The following SLC22A2 variants were observed in gnomAD, a reference collection of about 807,000 sequenced individuals.
SLC22A2 encodes the protein organic cation transporter 2.
SLC22A2 carries 46 observed loss-of-function variants against 60.5 expected under a neutral mutation model. The ratio of observed to expected loss-of-function variants is 0.76; its 90% CI spans 0.60 to 0.97. The LOEUF is 0.97. Among genes scored for constraint, SLC22A2 ranks in the 50% least tolerant of loss-of-function variants. The pLI is 0.00. For synonymous variants in SLC22A2, 303 were observed against 267.0 expected, an observed-to-expected ratio of 1.13 and a Z score of -1.31; for missense variants, 701 against 706.6, an observed-to-expected ratio of 0.99 and a Z score of 0.09.
At chr6:160,230,042 G>C (rs1315362733) in intron 9 of SLC22A2, among the ~76,000 whole-genome samples, 1 of 151,594 alleles carries the variant, frequency 6.6e-6, no homozygotes, top group African/African-American at 2.4e-5. Flanking sequence ...TTTCCCTCCT[G>C]CCTGTTCTCT....
At position 160,227,460 on chromosome 6, in the gene SLC22A2, C is replaced by T. The variant is rs950786707; in HGVS notation, c.1502-2656G>A. Among the ~76,000 whole-genome samples, 5 of 152,172 alleles carry T rather than the reference C, an allele frequency of 3.3e-5. No individual in the cohort carries two copies. In the South Asian group the frequency reaches 1.0e-3, roughly 32 times the overall value. On this transcript the variant is annotated intron_variant, in intron 9 of 10. Coordinates refer to ENST00000366953, the MANE Select transcript of SLC22A2 (RefSeq NM_003058.4). Reference sequence around the variant, plus strand: ...TTCTGGACCAAACTAATGGATACCTCGCATGTATTGATGGATGGCTTTTGT... The same window carrying T: ...TTCTGGACCAAACTAATGGATACCTTGCATGTATTGATGGATGGCTTTTGT...
intron 9 of SLC22A2, among the ~76,000 whole-genome samples, chr6:160,226,591 T>C (rs1246917587): frequency 1.3e-5 from 2 of 152,208 alleles, no homozygotes; most frequent in Admixed American, 1.3e-4. Flanking sequence ...TTTCTTTTTC[T>C]GTCCATAAAT....
At chr6:160,239,901 T>C (rs979882287) in intron 9 of SLC22A2, among the ~76,000 whole-genome samples, 2 of 152,096 alleles carry the variant, frequency 1.3e-5, no homozygotes, top group Admixed American at 6.6e-5. Flanking sequence ...TGCTGGCAGA[T>C]CTAGAGTGGT....
chr6:160,240,223 G>A (rs934206972), intron 9 of SLC22A2, among the ~76,000 whole-genome samples: 2 of 152,184 alleles, frequency 1.3e-5, no homozygotes, highest in African/African-American at 4.8e-5. Context: ...GTAGGCCGTA[G>A]AGGAATGTTT....
chr6:160,226,781 A>G (rs1298567593), intron 9 of SLC22A2, among the ~76,000 whole-genome samples: 1 of 152,076 alleles, frequency 6.6e-6, no homozygotes, highest in South Asian at 2.1e-4. Flanking sequence ...GAGATCCCCA[A>G]CTGATTGAAT....
chr6:160,249,075 T>C (rs1783140863), intron 4 of SLC22A2, 141 bp downstream of exon 4: 7 of 520,362 alleles, frequency 1.3e-5, no homozygotes, highest in South Asian at 3.9e-5. Flanking sequence ...TCCTGAAACA[T>C]GGAATTGGGC....
intron 9 of SLC22A2, among the ~76,000 whole-genome samples, chr6:160,239,308 T>C (rs1223444434): frequency 2.6e-5 from 4 of 152,046 alleles, no homozygotes; most frequent in Non-Finnish European, 5.9e-5. Context: ...AATAATCCAC[T>C]CCTTGTTTAG....
At chr6:160,224,944 G>T in intron 9 of SLC22A2, 140 bp from the exon 10 acceptor site, 1 of 467,230 alleles carries the variant, frequency 2.1e-6, no homozygotes. Context: ...ATCTCTGACT[G>T]CTGTATTTTC....
chr6:160,233,054 C>T (rs1446200098), intron 9 of SLC22A2, among the ~76,000 whole-genome samples: 1 of 152,008 alleles, frequency 6.6e-6, no homozygotes, highest in Admixed American at 6.5e-5. Flanking sequence ...TCTCAGTGTT[C>T]CATCTGCTAT....
chr6:160,232,969 T>A (rs1470132067), intron 9 of SLC22A2, among the ~76,000 whole-genome samples: 2 of 151,692 alleles, frequency 1.3e-5, no homozygotes, highest in African/African-American at 2.4e-5. Flanking sequence ...CCATGTAGGT[T>A]ACAAGCCACT....
intron 5 of SLC22A2, 149 bp from the exon 6 acceptor site, chr6:160,245,694 A>ATTT (rs11422120): frequency 0.012 from 1,898 of 163,272 alleles, 9 homozygotes; most frequent in South Asian, 0.016. Context: ...GTCCCATTTC[A>ATTT]TTTTTTTTTT....
intron 5 of SLC22A2, 132 bp downstream of exon 5, chr6:160,247,052 G>T: frequency 1.7e-6 from 1 of 598,922 alleles, no homozygotes; most frequent in East Asian, 2.8e-5. Flanking sequence ...GTTGCATTCC[G>T]CTACAGGTAA....
chr6:160,220,155 T>C (rs1156780182), intron 10 of SLC22A2, among the ~76,000 whole-genome samples: 1 of 152,252 alleles, frequency 6.6e-6, no homozygotes, highest in Non-Finnish European at 1.5e-5. Context: ...CAAACCCTGA[T>C]GCTGTTTTGT....
In SLC22A2 at chr6:160,242,371, G is replaced by A; in HGVS notation, c.1311C>T (p.Cys437=). The part of the protein sequence containing the change: ...DLQWLKIIIS[C]LGRMGITMAY... ...CCATTGTGATCCCCATTCTTCCCAA[G>A]CATGAGATAATAATTTTTAGCCATT... is the stretch of plus-strand genomic sequence containing the variant. The change falls in exon 8 of 11, where the codon TGC becomes TGT. Residue 437 remains cysteine, a synonymous_variant. Coordinates refer to ENST00000366953, the MANE Select transcript of SLC22A2 (RefSeq NM_003058.4). The A allele has an allele frequency of 6.2e-7, 1 of 1,606,550 alleles. No homozygotes were observed. Among genetic ancestry groups the A allele is most frequent in the Non-Finnish European group, 8.5e-7 (1 of 1,173,120 alleles).
At chr6:160,230,811 T>C (rs1782809150) in intron 9 of SLC22A2, among the ~76,000 whole-genome samples, 1 of 74,646 alleles carries the variant, frequency 1.3e-5, no homozygotes, top group African/African-American at 3.5e-5. Flanking sequence ...GCCTGCAGCC[T>C]GGGCTTCCTC....
intron 9 of SLC22A2, among the ~76,000 whole-genome samples, chr6:160,227,132 C>T (rs1747701950): frequency 6.6e-6 from 1 of 152,180 alleles, no homozygotes; most frequent in South Asian, 2.1e-4. Context: ...TCTCTATTAA[C>T]ATAACTAGAT....
chr6:160,250,130 T>C (rs1284102279), intron 3 of SLC22A2, among the ~76,000 whole-genome samples: 1 of 152,218 alleles, frequency 6.6e-6, no homozygotes, highest in Admixed American at 6.5e-5. Flanking sequence ...TCAGTTTCCT[T>C]ATGTGTAAGT....
At chr6:160,250,263 C>T (rs1362248501) in intron 3 of SLC22A2, among the ~76,000 whole-genome samples, 1 of 152,150 alleles carries the variant, frequency 6.6e-6, no homozygotes, top group Non-Finnish European at 1.5e-5. Context: ...AATTTTCTTT[C>T]CACACAATAC....
At chr6:160,243,500 C>T in intron 7 of SLC22A2, 72 bp downstream of exon 7, 4 of 1,105,688 alleles carry the variant, frequency 3.6e-6, no homozygotes, top group South Asian at 1.3e-5. Context: ...CATGGTTTTC[C>T]TATCAATGGG....
Sources: gnomAD v4.1 joint callset for allele counts (sites outside exome capture counted in the v4.1 genomes callset) on GRCh38, gnomAD v4.1.1 for gene constraint, MANE v1.5 for transcripts, NCBI Gene and HGNC (gene_info 2026-07-23, HGNC 2026-07-21) for gene names.